Variants in L1TD1 observed in about 807,000 individuals in gnomAD.
L1TD1 encodes the protein LINE1 type transposase domain containing 1, also known as LINE-1 type transposase domain-containing protein 1.
In L1TD1, 26 loss-of-function variants were observed where a neutral mutation model predicts 25.7. The observed-to-expected ratio is 1.01, with a 90% CI of 0.74 to 1.40. The LOEUF (loss-of-function observed/expected upper bound fraction) is 1.40, where lower values mean the gene tolerates loss of function less well. Among genes scored for constraint, L1TD1 ranks in the 40% most tolerant of loss-of-function variants. L1TD1 has a pLI of 0.00. For synonymous variants in L1TD1, 421 were observed against 335.6 expected (o/e 1.25, Z -2.78); for missense variants, 1,130 against 975.0 (o/e 1.16, Z -2.12).
In L1TD1 at chr1:62,203,863, G is replaced by A. The variant is rs531821937; in HGVS notation, c.-110-2656G>A. ...GCCTCCCAGAGTGTTGGGATTACAGGTGTAAGCCACCACGCCTGGCCTCTG... is the reference window on the plus strand; with the variant it reads ...GCCTCCCAGAGTGTTGGGATTACAGATGTAAGCCACCACGCCTGGCCTCTG... On this transcript the variant is annotated intron_variant, in intron 2 of 3. Coordinates refer to ENST00000498273, the MANE Select transcript of L1TD1 (RefSeq NM_019079.5). Among the ~76,000 whole-genome samples the A allele has an allele frequency of 3.5e-3, 537 of 152,208 alleles. 6 individuals carry two copies. The highest frequency in any genetic ancestry group is 0.013 in the African/African-American group (522 of 41,520).
At position 62,211,105 on chromosome 1, in the gene L1TD1, TAG is replaced by T. The variant is rs1557448717; in HGVS notation, c.2339_2340del (p.Arg780LysfsTer24). ...SDKEKIIRAS[R>X]ERREITYQGT... ...ATAAAGAGAAAATAATAAGGGCTTCTAGAGAGAGAAGAGAAATTACCTACCAA... is the reference window on the plus strand; with the variant it reads ...ATAAAGAGAAAATAATAAGGGCTTCTAGAGAGAAGAGAAATTACCTACCAA... On this transcript the variant is annotated frameshift_variant, in exon 4 of 4. Transcript: ENST00000498273. LOFTEE classifies it low-confidence loss of function (END_TRUNC). The T allele has an allele frequency of 4.5e-6, 7 of 1,550,370 alleles. No homozygotes were observed. The East Asian group carries it at 7.3e-5, about 16-fold the overall frequency.
intron 2 of L1TD1, among the ~76,000 whole-genome samples, chr1:62,199,350 T>G (rs1357477487): frequency 6.6e-6 from 1 of 151,874 alleles, no homozygotes; most frequent in Non-Finnish European, 1.5e-5. Context: ...ATACAAAAAT[T>G]AGCCGGGCAT....
At chr1:62,195,777 G>A (rs1245961317) in intron 1 of L1TD1, among the ~76,000 whole-genome samples, 2 of 151,998 alleles carry the variant, frequency 1.3e-5, no homozygotes, top group Non-Finnish European at 2.9e-5. Context: ...AGGGCCGGGC[G>A]TGTTATTTTC....
rs1448415881 is a variant in L1TD1, at chr1:62,196,952, G to A, written c.-111+424G>A. 2.6e-5 allele frequency among the ~76,000 whole-genome samples: 4 copies of A among 152,020 alleles called. No homozygotes were observed. In the East Asian group the frequency reaches 7.7e-4, roughly 29 times the overall value. ...GACCTTGGGTCTGATAAAGAAATGA[G>A]CCCTACTTATAATCTAGTGTGGGTC... On this transcript the variant is annotated intron_variant, in intron 2 of 3. Coordinates refer to ENST00000498273, the MANE Select transcript of L1TD1 (RefSeq NM_019079.5).
chr1:62,203,104 G>A (rs1415739503), intron 2 of L1TD1, among the ~76,000 whole-genome samples: 2 of 152,132 alleles, frequency 1.3e-5, no homozygotes, highest in Non-Finnish European at 2.9e-5. Context: ...GGGATTACAG[G>A]TGTGAGCCAC....
chr1:62,198,521 C>A (rs1472493868), intron 2 of L1TD1, among the ~76,000 whole-genome samples: 1 of 151,634 alleles, frequency 6.6e-6, no homozygotes, highest in East Asian at 1.9e-4. Flanking sequence ...CACCGACCCC[C>A]CGCCGCCGCC....
In L1TD1 at chr1:62,211,220, G is replaced by C; in HGVS notation, c.2446G>C (p.Glu816Gln). 2 of 1,560,944 alleles carry C rather than the reference G, an allele frequency of 1.3e-6. No homozygotes were observed. The highest frequency in any genetic ancestry group is 1.7e-6 in the Non-Finnish European group (2 of 1,151,952). ...GAGCAATGTCTTCAAAGTTCTGCTG[G>C]AAAAAGGCTTTAATCCTAGAATCCT... ...KWSNVFKVLLEKGFNPRILYP... is the reference protein window; with the variant it reads ...KWSNVFKVLLQKGFNPRILYP... The change falls in exon 4 of 4, where the codon GAA (glutamate) becomes CAA (glutamine). Residue 816 changes from glutamate to glutamine, a missense_variant. Coordinates refer to ENST00000498273, the MANE Select transcript of L1TD1 (RefSeq NM_019079.5).
At chr1:62,199,498 C>CAAAA (rs34456833) in intron 2 of L1TD1, among the ~76,000 whole-genome samples, 21,885 of 133,562 alleles carry the variant, frequency 0.16, 1,728 homozygotes, top group Non-Finnish European at 0.19. Context: ...ACTCTTGTAT[C>CAAAA]AAAAAAAAAA....
Position 62,207,242 on chromosome 1 carries a change from A to G in L1TD1, c.614A>G (p.Asp205Gly), listed in dbSNP as rs1239868707. The G allele has an allele frequency of 3.2e-6, 5 of 1,551,514 alleles. No individual in the cohort carries two copies. In the South Asian group the frequency reaches 6.0e-5, roughly 18 times the overall value. The stretch of plus-strand genomic sequence containing the variant: ...AGAGAGAGTAGGAAGGATGGAGAGG[A>G]TGAATTTGTCAAAGAAATGAGAGAG... ...TERESRKDGE[D>G]EFVKEMREER... The change falls in exon 3 of 4, where the codon GAT (aspartate) becomes GGT (glycine). Residue 205 changes from aspartate (D) to glycine (G), a missense_variant. Physicochemically the swap from Asp to Gly is moderately conservative, Grantham distance 94 (BLOSUM62 -1). Coordinates refer to ENST00000498273, the MANE Select transcript of L1TD1 (RefSeq NM_019079.5).
In L1TD1 at chr1:62,206,749, T is replaced by C. The variant is rs1670753321; in HGVS notation, c.121T>C (p.Leu41=). ...TETDKDIAPV[L]DLKCKDVSAI... ...AACTGATAAGGACATAGCTCCGGTATTAGATTTAAAATGCAAGGACGTATC... is the reference window on the plus strand; with the variant it reads ...AACTGATAAGGACATAGCTCCGGTACTAGATTTAAAATGCAAGGACGTATC... Residue 41 remains leucine (L), a synonymous_variant, in exon 3 of 4, where the codon TTA becomes CTA. Transcript: ENST00000498273. The C allele has an allele frequency of 1.3e-6, 2 of 1,552,888 alleles. No individual in the cohort carries two copies. The highest frequency in any genetic ancestry group is 8.7e-7 in the Non-Finnish European group (1 of 1,147,506).
intron 2 of L1TD1, among the ~76,000 whole-genome samples, chr1:62,198,869 G>T (rs532596179): frequency 6.7e-6 from 1 of 150,144 alleles, no homozygotes; most frequent in East Asian, 2.0e-4. Flanking sequence ...GCAGGGTCTT[G>T]CTCTGTCACC....
At chr1:62,207,986 G>T in intron 3 of L1TD1, 1 of 164,944 alleles carries the variant, frequency 6.1e-6, no homozygotes, top group Non-Finnish European at 1.3e-5. Context: ...GGGATTACAG[G>T]CGTGAGCCAC....
At chr1:62,196,713 C>T (rs962222114) in intron 2 of L1TD1, among the ~76,000 whole-genome samples, 185 bp downstream of exon 2, 5 of 152,184 alleles carry the variant, frequency 3.3e-5, no homozygotes, top group African/African-American at 1.2e-4. Context: ...CTCCCTCAGC[C>T]TCCCAAGTAG....
In L1TD1 at chr1:62,210,381, A is replaced by G. The variant is rs373523026; in HGVS notation, c.1607A>G (p.Glu536Gly). 1.9e-6 allele frequency: 3 copies of G among 1,613,854 alleles called. No homozygotes were observed. In the African/African-American group the frequency reaches 4.0e-5, roughly 22 times the overall value. Residue 536 changes from glutamate (E) to glycine (G), a missense_variant, in exon 4 of 4, where the codon GAG becomes GGG. Physicochemically the swap from Glu to Gly is moderately conservative, Grantham distance 98. Transcript: ENST00000498273. ...HQVVHKTQEE[E>G]ETAVPTSQGT... ...GTGGTGCACAAAACCCAGGAGGAAG[A>G]GGAAACAGCTGTGCCCACAAGTCAA...
intron 3 of L1TD1, 128 bp downstream of exon 3, chr1:62,207,764 G>C: frequency 8.5e-7 from 1 of 1,170,102 alleles, no homozygotes; most frequent in African/African-American, 1.5e-5. Context: ...CCAGGTGGGA[G>C]TGCAGTGGCA....
rs1280994135 is a variant in L1TD1, at chr1:62,196,419, T to C, written c.-204-16T>C. On this transcript the variant is annotated splice_polypyrimidine_tract_variant and intron_variant, in intron 1 of 3. Transcript: ENST00000498273. ...AACCTTAAACTTTGGTGTTATGAACTTGACTTGAATTCTAGGCACCAAGGC... is the reference window on the plus strand; with the variant it reads ...AACCTTAAACTTTGGTGTTATGAACCTGACTTGAATTCTAGGCACCAAGGC... 3 of 152,174 alleles carry C rather than the reference T, an allele frequency of 2.0e-5. No homozygotes were observed. The highest frequency in any genetic ancestry group is 7.2e-5 in the African/African-American group (3 of 41,428). 9.4% of individuals were successfully genotyped at this position (152,174 alleles called of 1,614,324 possible). A position where few individuals can be genotyped will look rare whatever the true frequency, so the allele number is the denominator to read the frequency against.
intron 3 of L1TD1, 42 bp from the exon 4 acceptor site, chr1:62,209,741 T>A: frequency 7.2e-7 from 1 of 1,379,476 alleles, no homozygotes; most frequent in South Asian, 1.5e-5. Context: ...ACAAATGATT[T>A]AAACAAATAA....
At position 62,211,918 on chromosome 1, in the gene L1TD1, TCA is replaced by T. The variant is rs1670883819; in HGVS notation, c.*550_*551del. 1.3e-5 allele frequency: 2 copies of T among 151,714 alleles called. No homozygotes were observed. Among genetic ancestry groups the T allele is most frequent in the Non-Finnish European group, 2.9e-5 (2 of 68,068 alleles). 9.4% of individuals were successfully genotyped at this position (151,714 alleles called of 1,614,324 possible). A position where few individuals can be genotyped will look rare whatever the true frequency, so the allele number is the denominator to read the frequency against. ...AGGCGGAGCTTGCAGTGAGCCGAGA[TCA>T]CACCACTGCACTCCAGCCGGAGCCA... is the stretch of plus-strand genomic sequence containing the variant. On this transcript the variant is annotated 3_prime_UTR_variant, in exon 4 of 4. Transcript: ENST00000498273.
chr1:62,204,465 A>C (rs1168948605), intron 2 of L1TD1, among the ~76,000 whole-genome samples: 1 of 152,320 alleles, frequency 6.6e-6, no homozygotes, highest in East Asian at 1.9e-4. Context: ...AAATAACTTT[A>C]ACCTTTAGTA....
Sources: allele counts gnomAD v4.1 joint callset (sites outside exome capture counted in the v4.1 genomes callset), GRCh38; gene constraint gnomAD v4.1.1; transcripts MANE v1.5; gene names NCBI Gene and HGNC (gene_info 2026-07-23, HGNC 2026-07-21).